Variants in ADGRA2 observed in about 807,000 individuals in gnomAD.
ADGRA2 encodes adhesion G protein-coupled receptor A2.
In ADGRA2, 61 loss-of-function variants were observed where a neutral mutation model predicts 98.7. The ratio of observed to expected loss-of-function variants is 0.62; its 90% CI spans 0.50 to 0.76. ADGRA2 has a LOEUF of 0.76. Among genes scored for constraint, ADGRA2 ranks in the 30% least tolerant of loss-of-function variants. The pLI, the probability that ADGRA2 is intolerant of heterozygous loss-of-function variation, is 0.00. For missense variants in ADGRA2, 1,712 were observed against 1,860.0 expected, an observed-to-expected ratio of 0.92 and a Z score of 1.46; for synonymous variants, 858 against 831.5, an observed-to-expected ratio of 1.03 and a Z score of -0.55.
At position 37,837,742 on chromosome 8, in the gene ADGRA2, G is replaced by A. The variant is rs556940000; in HGVS notation, c.2062G>A (p.Val688Met). 68 of 1,552,986 alleles carry A rather than the reference G, an allele frequency of 4.4e-5. No individual in the cohort carries two copies. Among genetic ancestry groups the A allele is most frequent in the South Asian group, 1.2e-4 (10 of 84,200 alleles). The change falls in exon 14 of 19, where the codon GTG (valine) becomes ATG (methionine). Residue 688 changes from valine to methionine, a missense_variant. By Grantham distance (21) the Val-to-Met change is conservative (BLOSUM62 1). Transcript: ENST00000412232. ...VIFAGTSGCG[V>M]GNLTEPVAVS... is the part of the protein sequence containing the mutation. ...CTCTCCCGCTGTAGGTGGCTGTGGC[G>A]TGGGAAACCTGACAGAGCCAGTGGC...
intron 1 of ADGRA2, among the ~76,000 whole-genome samples, chr8:37,799,128 G>C (rs1026780292): frequency 5.3e-5 from 8 of 152,192 alleles, no homozygotes; most frequent in African/African-American, 1.9e-4. Flanking sequence ...TGTAATCCCA[G>C]CACTTTGAGA....
chr8:37,839,509 G>A lies in ADGRA2; in HGVS notation c.2398G>A (p.Val800Met), dbSNP rs1805726892. The A allele has an allele frequency of 1.9e-6, 3 of 1,614,146 alleles. No homozygotes were observed. The highest frequency in any genetic ancestry group is 8.5e-7 in the Non-Finnish European group (1 of 1,180,020). ...ACTGTTTCCGGGCAGCTCCATCCGTGTGTCCCGGAAAGGCTGGCACATGCT... is the reference window on the plus strand; with the variant it reads ...ACTGTTTCCGGGCAGCTCCATCCGTATGTCCCGGAAAGGCTGGCACATGCT... Reference protein sequence around the residue: ...TYILNHSSIRVSRKGWHMLLN... With the variant: ...TYILNHSSIRMSRKGWHMLLN... Residue 800 changes from valine to methionine, a missense_variant, in exon 16 of 19, where the codon GTG becomes ATG. Coordinates refer to ENST00000412232, the MANE Select transcript of ADGRA2 (RefSeq NM_032777.10).
intron 2 of ADGRA2, among the ~76,000 whole-genome samples, chr8:37,816,895 G>A (rs905830430): frequency 6.7e-5 from 10 of 148,768 alleles, no homozygotes; most frequent in Non-Finnish European, 1.5e-4. Context: ...CAGCCTGGGC[G>A]ACAGAGCAAG....
Position 37,842,290 on chromosome 8 carries a change from G to A in ADGRA2, c.3952G>A (p.Gly1318Ser), listed in dbSNP as rs150771131. Residue 1318 changes from glycine to serine, a missense_variant, in exon 19 of 19, where the codon GGC becomes AGC. Physicochemically the swap from Gly to Ser is moderately conservative, Grantham distance 56. Transcript: ENST00000412232. ...GGKYDDVTLM[G>S]AEVASGGCMK... The stretch of plus-strand genomic sequence containing the variant: ...CAAGTACGACGACGTCACCCTGATG[G>A]GCGCGGAGGTAGCCAGCGGCGGCTG... 307 of 1,564,850 alleles carry A rather than the reference G, an allele frequency of 2.0e-4. No individual in the cohort carries two copies. In the African/African-American group the frequency reaches 3.8e-3, roughly 19 times the overall value.
Position 37,814,090 on chromosome 8 carries a change from G to A in ADGRA2, c.267-806G>A, listed in dbSNP as rs530272045. On this transcript the variant is annotated intron_variant, in intron 1 of 18. Transcript: ENST00000412232. The surrounding 1 kb of genome is among the most constrained non-coding windows in gnomAD (Gnocchi z 4.3). ...AAGCTTTCTAATAAGCAATTAACTG[G>A]GGGATGAGCCCTTTGGCTGGCCTGG... 3.3e-5 allele frequency among the ~76,000 whole-genome samples: 5 copies of A among 152,304 alleles called. No individual in the cohort carries two copies. The highest frequency in any genetic ancestry group is 6.5e-5 in the Admixed American group (1 of 15,308).
chr8:37,806,513 C>CTTTTT (rs1246419562), intron 1 of ADGRA2, among the ~76,000 whole-genome samples: 1 of 103,172 alleles, frequency 9.7e-6, no homozygotes, highest in African/African-American at 5.0e-5. Context: ...TTTTCTTTTT[C>CTTTTT]TTTTTTCTTT....
rs1257542227 is a variant in ADGRA2, at chr8:37,842,721, CAGCAA to C, written c.*371_*375del. ...CCTCACTGGGGGCCATCAGCCTCACCAGCAAAGCAGAGATGAGAGCGTGGGAACTG... is the reference window on the plus strand; with the variant it reads ...CCTCACTGGGGGCCATCAGCCTCACCAGCAGAGATGAGAGCGTGGGAACTG... On this transcript the variant is annotated 3_prime_UTR_variant, in exon 19 of 19. Transcript: ENST00000412232. 12 of 211,204 alleles carry C rather than the reference CAGCAA, an allele frequency of 5.7e-5. No homozygotes were observed. The East Asian group carries it at 1.2e-3, about 20-fold the overall frequency. The allele number at this position is 211,204 out of a possible 1,614,324, so 13.1% of individuals were successfully genotyped here.
chr8:37,811,119 C>CAAAAAAAAAAA (rs1158782949), intron 1 of ADGRA2, among the ~76,000 whole-genome samples: 4 of 68,628 alleles, frequency 5.8e-5, no homozygotes, highest in African/African-American at 2.0e-4. Flanking sequence ...GTCTCAAAAA[C>CAAAAAAAAAAA]AAAAAAAAAA....
chr8:37,839,445 C>T (rs1805724158), intron 15 of ADGRA2, 54 bp from the exon 16 acceptor site: 1 of 1,607,208 alleles, frequency 6.2e-7, no homozygotes, highest in Non-Finnish European at 8.5e-7. Context: ...CTTGAGACCC[C>T]ATGGGCCTGA....
rs1033341995 is a variant in ADGRA2 at position 37,796,896 on chromosome 8, AGCG to A, written c.-358_-356del. On this transcript the variant is annotated 5_prime_UTR_variant, in exon 1 of 19. Transcript: ENST00000412232. ...GGAGCTGCCTCCATCCATGGCACGG[AGCG>A]GCGGCGGCGGCGGCAGCAGGAGCCC... The A allele has an allele frequency of 7.2e-5, 11 of 153,158 alleles. No individual in the cohort carries two copies. The highest frequency in any genetic ancestry group is 1.9e-4 in the East Asian group (1 of 5,196). 9.5% of individuals were successfully genotyped at this position (153,158 alleles called of 1,614,324 possible).
At chr8:37,833,611 G>C in intron 9 of ADGRA2, 77 bp from the exon 10 acceptor site, 1 of 1,489,972 alleles carries the variant, frequency 6.7e-7, no homozygotes, top group Non-Finnish European at 9.3e-7. Flanking sequence ...CACTGGCACA[G>C]AGCAGAGGGT....
At chr8:37,812,153 GTGTTGT>G (rs36232957) in intron 1 of ADGRA2, among the ~76,000 whole-genome samples, 5,724 of 142,188 alleles carry the variant, frequency 0.04, 205 homozygotes, top group East Asian at 0.21. Context: ...ACTTGCAATG[GTGTTGT>G]TGTTGTTGTT....
At position 37,828,548 on chromosome 8, in the gene ADGRA2, G is replaced by A. The variant is rs191031834; in HGVS notation, c.339-340G>A. Among the ~76,000 whole-genome samples the A allele has an allele frequency of 1.2e-3, 180 of 146,670 alleles. 3 individuals are homozygous for A. The highest frequency in any genetic ancestry group is 3.9e-3 in the Admixed American group (56 of 14,490). ...GTCGCCCAGGCTGGAGTGCAGTGGC[G>A]CGATCTTGGCTCCCTGCAGCCTCCG... is the stretch of plus-strand genomic sequence containing the variant. On this transcript the variant is annotated intron_variant, in intron 2 of 18. Transcript: ENST00000412232.
intron 1 of ADGRA2, among the ~76,000 whole-genome samples, chr8:37,808,481 T>C (rs1346678095): frequency 6.6e-6 from 1 of 152,092 alleles, no homozygotes; most frequent in Non-Finnish European, 1.5e-5. Flanking sequence ...CCCTGCCCAA[T>C]TGTGGCCACT....
intron 2 of ADGRA2, among the ~76,000 whole-genome samples, chr8:37,826,903 C>A (rs1805299886): frequency 6.6e-6 from 1 of 151,036 alleles, no homozygotes; most frequent in African/African-American, 2.5e-5. Flanking sequence ...CCCTGACCCC[C>A]TCCTCCATCT....
At chr8:37,800,246 T>C (rs1804461738) in intron 1 of ADGRA2, among the ~76,000 whole-genome samples, 1 of 152,178 alleles carries the variant, frequency 6.6e-6, no homozygotes. Context: ...AAATGCTCTC[T>C]CCACAGAGGA....
At position 37,830,977 on chromosome 8, in the gene ADGRA2, C is replaced by A; in HGVS notation, c.932+54C>A. 1.5e-6 allele frequency: 2 copies of A among 1,363,182 alleles called. No homozygotes were observed. The highest frequency in any genetic ancestry group is 2.0e-6 in the Non-Finnish European group (2 of 985,300). The allele number at this position is 1,363,182 out of a possible 1,614,324, so 84.4% of individuals were successfully genotyped here. On this transcript the variant is annotated intron_variant, in intron 7 of 18. Transcript: ENST00000412232. The surrounding 1 kb of genome is among the most constrained non-coding windows in gnomAD (Gnocchi z 4.8). The stretch of plus-strand genomic sequence containing the variant: ...CTCAGCATGGGGTTAGGGGACCTAC[C>A]CTACCCGTCACCACCCCGCAAAAGA...
rs1347202257 is a variant in ADGRA2, at chr8:37,841,150, A to T, written c.2812A>T (p.Ile938Phe). The change falls in exon 19 of 19, where the codon ATC becomes TTC. Residue 938 changes from isoleucine (I) to phenylalanine (F), a missense_variant. Coordinates refer to ENST00000412232, the MANE Select transcript of ADGRA2 (RefSeq NM_032777.10). The surrounding 1 kb of genome is among the most constrained non-coding windows in gnomAD (Gnocchi z 5.0). ...FYIPVALILL[I>F]TWIYFLCAGL... ...CATCCCTGTGGCTTTGATTCTGCTC[A>T]TCACCTGGATCTATTTCCTGTGCGC... 3 of 1,612,162 alleles carry T rather than the reference A, an allele frequency of 1.9e-6. No individual in the cohort carries two copies. The highest frequency in any genetic ancestry group is 2.5e-6 in the Non-Finnish European group (3 of 1,179,860).
At chr8:37,804,100 G>GAGACACACACAC (rs1310425865) in intron 1 of ADGRA2, among the ~76,000 whole-genome samples, 19 of 107,192 alleles carry the variant, frequency 1.8e-4, no homozygotes, top group African/African-American at 5.5e-4. Context: ...CCCACGGTGA[G>GAGACACACACAC]ACACACACAC....
Sources: allele counts gnomAD v4.1 joint callset (sites outside exome capture counted in the v4.1 genomes callset), GRCh38; gene constraint gnomAD v4.1.1; non-coding constraint Gnocchi (gnomAD v3.1); transcripts MANE v1.5; gene names NCBI Gene and HGNC (gene_info 2026-07-23, HGNC 2026-07-21).